Variants in PCDH11X observed in about 807,000 individuals in gnomAD.
PCDH11X encodes the protein protocadherin-11 X-linked.
Under a neutral mutation model 53.3 loss-of-function variants are expected in PCDH11X, and 18 were observed. The observed-to-expected ratio is 0.34, with a 90% confidence interval of 0.23 to 0.50. The LOEUF (loss-of-function observed/expected upper bound fraction) is 0.50. Ranked by LOEUF, PCDH11X falls within the 20% of genes least tolerant of loss-of-function variation. The probability of loss-of-function intolerance (pLI) is 0.98; values close to 1 mark genes in which losing one functional copy is unlikely to be tolerated. For synonymous variants in PCDH11X, 279 were observed against 393.3 expected (o/e 0.71, Z 3.44); for missense variants, 570 against 1,032.4 (o/e 0.55, Z 6.14).
chrX:92,401,598 A>C (rs1603300938), intron 9 of PCDH11X, among the ~76,000 whole-genome samples: 2 of 112,269 alleles, frequency 1.8e-5, no homozygotes, highest in Admixed American at 1.9e-4. Flanking sequence ...TTTTATTAAA[A>C]AATTCCACAG....
At chrX:92,174,863 C>T (rs999656634) in intron 6 of PCDH11X, among the ~76,000 whole-genome samples, 3 of 112,020 alleles carry the variant, frequency 2.7e-5, no homozygotes, top group South Asian at 3.7e-4. Flanking sequence ...AACTTTATAG[C>T]TCCTTGTACT....
At chrX:92,615,455 G>C (rs1927859688) in intron 10 of PCDH11X, among the ~76,000 whole-genome samples, 1 of 111,717 alleles carries the variant, frequency 9.0e-6, no homozygotes, top group African/African-American at 3.3e-5. Flanking sequence ...TTGAATGAAA[G>C]TCTCATCATC....
chrX:92,470,397 G>T (rs1174788373), intron 10 of PCDH11X, among the ~76,000 whole-genome samples: 1 of 100,022 alleles, frequency 1.0e-5, no homozygotes, highest in Non-Finnish European at 2.0e-5. Flanking sequence ...TAACAAACAA[G>T]AACAATTTTA....
chrX:91,900,387 G>T (rs1940910565), intron 6 of PCDH11X, among the ~76,000 whole-genome samples: 1 of 110,699 alleles, frequency 9.0e-6, no homozygotes. Context: ...CTTCTAGTAG[G>T]TTACTAGGGG....
intron 8 of PCDH11X, among the ~76,000 whole-genome samples, chrX:92,289,665 C>T (rs1368614344): frequency 9.0e-6 from 1 of 111,045 alleles, no homozygotes; most frequent in Non-Finnish European, 1.9e-5. Flanking sequence ...AAATAGCAAA[C>T]CACTGTTATG....
At chrX:92,412,065 G>A (rs1211712247) in intron 9 of PCDH11X, among the ~76,000 whole-genome samples, 6 of 80,161 alleles carry the variant, frequency 7.5e-5, no homozygotes, top group Non-Finnish European at 1.3e-4. Context: ...GGGGGAAGAG[G>A]AAGAGGAGGA....
intron 6 of PCDH11X, among the ~76,000 whole-genome samples, chrX:92,180,617 G>A (rs2065980355): frequency 9.0e-6 from 1 of 111,259 alleles, no homozygotes; most frequent in Admixed American, 9.6e-5. Flanking sequence ...ATCTCATCTT[G>A]AATTCCCATA....
intron 6 of PCDH11X, among the ~76,000 whole-genome samples, chrX:92,159,611 G>T (rs2065600861): frequency 1.3e-5 from 1 of 76,782 alleles, no homozygotes; most frequent in South Asian, 5.6e-4. Flanking sequence ...TAACCTCATT[G>T]GGATTAAAAA....
chrX:91,959,251 G>T (rs1355497265), intron 6 of PCDH11X, among the ~76,000 whole-genome samples: 2 of 109,140 alleles, frequency 1.8e-5, no homozygotes, highest in Non-Finnish European at 3.8e-5. Context: ...GTTACGTCAA[G>T]TTAATTAACA....
Position 92,284,115 on chromosome X carries a change from A to C in PCDH11X, c.3144+20972A>C, listed in dbSNP as rs776164462. ...GACAGCACCTGTGAATTCTATTTAG[A>C]GTTCTATTGATACTCAATGTAGCCA... On this transcript the variant is annotated intron_variant, in intron 8 of 10. Transcript: ENST00000682573. Among the ~76,000 whole-genome samples, 119 of 108,762 alleles carry C rather than the reference A, an allele frequency of 1.1e-3. 1 individual carries two copies. Among genetic ancestry groups the C allele is most frequent in the African/African-American group, 3.8e-3 (113 of 30,013 alleles). 94.4% of individuals were successfully genotyped at this position (108,762 alleles called of 115,157 possible). A position where few individuals can be genotyped will look rare whatever the true frequency, so the allele number is the denominator to read the frequency against.
chrX:92,437,238 G>A (rs1778734042), intron 9 of PCDH11X, among the ~76,000 whole-genome samples: 1 of 111,091 alleles, frequency 9.0e-6, no homozygotes, highest in Admixed American at 9.6e-5. Context: ...ATACAGAACA[G>A]GAATTAGTTT....
intron 6 of PCDH11X, among the ~76,000 whole-genome samples, chrX:92,199,243 CA>C (rs1252931899): frequency 9.0e-6 from 1 of 111,676 alleles, no homozygotes; most frequent in Non-Finnish European, 1.9e-5. Context: ...GCAATAATGC[CA>C]GTGACATTTC....
intron 6 of PCDH11X, among the ~76,000 whole-genome samples, chrX:92,007,656 G>A (rs1169146320): frequency 9.0e-6 from 1 of 111,443 alleles, no homozygotes; most frequent in Non-Finnish European, 1.9e-5. Flanking sequence ...TGGTTGTGCT[G>A]GTACCTCAGA....
intron 4 of PCDH11X, among the ~76,000 whole-genome samples, chrX:91,819,252 TG>T (rs1936553398): frequency 9.3e-6 from 1 of 107,997 alleles, no homozygotes; most frequent in Non-Finnish European, 1.9e-5. Flanking sequence ...GAGTGGGGTT[TG>T]TGGTTGTCCT....
chrX:91,930,880 T>C (rs922089621), intron 6 of PCDH11X, among the ~76,000 whole-genome samples: 5 of 106,484 alleles, frequency 4.7e-5, no homozygotes, highest in South Asian at 4.3e-4. Context: ...AATATGGTTA[T>C]GGTGTTCAGA....
chrX:92,085,239 C>T (rs148658313), intron 6 of PCDH11X, among the ~76,000 whole-genome samples: 2,326 of 110,587 alleles, frequency 0.021, 61 homozygotes, highest in African/African-American at 0.073. Flanking sequence ...TCGCTCTTTG[C>T]TACAAAATAT....
intron 10 of PCDH11X, among the ~76,000 whole-genome samples, chrX:92,501,460 A>G (rs2073957728): frequency 9.0e-6 from 1 of 111,327 alleles, no homozygotes; most frequent in Non-Finnish European, 1.9e-5. Context: ...CTTGATGAAC[A>G]TCAATGCAGA....
intron 7 of PCDH11X, among the ~76,000 whole-genome samples, chrX:92,249,326 CTCAG>C (rs1213351545): frequency 9.0e-6 from 1 of 111,726 alleles, no homozygotes; most frequent in Non-Finnish European, 1.9e-5. Flanking sequence ...AATATACATT[CTCAG>C]TCAGATTTTC....
intron 6 of PCDH11X, among the ~76,000 whole-genome samples, chrX:92,115,231 T>C (rs1341073719): frequency 1.8e-5 from 2 of 110,907 alleles, no homozygotes; most frequent in African/African-American, 6.6e-5. Context: ...CTACTTTATA[T>C]TGCAGTTATC....
Sources: allele counts gnomAD v4.1 joint callset (sites outside exome capture counted in the v4.1 genomes callset), GRCh38; gene constraint gnomAD v4.1.1; transcripts MANE v1.5; gene names NCBI Gene and HGNC (gene_info 2026-07-23, HGNC 2026-07-21).